The following PTAFR variants were observed in gnomAD, a reference collection of about 807,000 sequenced individuals.
PTAFR encodes platelet activating factor receptor, also known as platelet-activating factor receptor.
In PTAFR, 8 loss-of-function variants were observed where a neutral mutation model predicts 14.7. The ratio of observed to expected loss-of-function variants is 0.54; its 90% CI spans 0.32 to 0.98. The LOEUF is 0.98. Among genes scored for constraint, PTAFR ranks in the 50% least tolerant of loss-of-function variants. PTAFR has a pLI of 0.04. For missense variants in PTAFR, 337 were observed against 451.2 expected, an observed-to-expected ratio of 0.75 and a Z score of 2.29; for synonymous variants, 156 against 176.5, an observed-to-expected ratio of 0.88 and a Z score of 0.92.
chr1:28,173,239 G>T (rs1223456306), intron 1 of PTAFR, among the ~76,000 whole-genome samples: 1 of 138,900 alleles, frequency 7.2e-6, no homozygotes, highest in East Asian at 2.2e-4. Flanking sequence ...AGTGAGTCAC[G>T]ATCATGCCAC....
At chr1:28,152,149 G>T (rs1646197678) in intron 1 of PTAFR, among the ~76,000 whole-genome samples, 1 of 152,040 alleles carries the variant, frequency 6.6e-6, no homozygotes, top group African/African-American at 2.4e-5. Flanking sequence ...TGCCAGCCTT[G>T]GCCTCCCAAA....
chr1:28,163,840 T>G (rs1557689886), intron 1 of PTAFR, among the ~76,000 whole-genome samples: 1 of 152,110 alleles, frequency 6.6e-6, no homozygotes. Flanking sequence ...CAACAAAGCT[T>G]TCAACAGCTC....
intron 1 of PTAFR, among the ~76,000 whole-genome samples, chr1:28,187,369 G>GA (rs1175101232): frequency 1.3e-5 from 2 of 151,868 alleles, no homozygotes; most frequent in Non-Finnish European, 2.9e-5. Flanking sequence ...ATCCATTAAG[G>GA]AAAAAAATAA....
intron 1 of PTAFR, among the ~76,000 whole-genome samples, chr1:28,184,866 A>G (rs1572050406): frequency 6.6e-6 from 1 of 151,828 alleles, no homozygotes; most frequent in Non-Finnish European, 1.5e-5. Flanking sequence ...TCTCGAACTC[A>G]TGACCTCAAG....
intron 1 of PTAFR, among the ~76,000 whole-genome samples, chr1:28,165,013 T>C (rs1186383103): frequency 1.3e-5 from 2 of 152,218 alleles, no homozygotes; most frequent in Non-Finnish European, 2.9e-5. Context: ...GTTTCCTCAT[T>C]TGTAAATGAA....
At chr1:28,165,093 AT>A (rs1296578474) in intron 1 of PTAFR, among the ~76,000 whole-genome samples, 2 of 152,196 alleles carry the variant, frequency 1.3e-5, no homozygotes, top group East Asian at 1.9e-4. Context: ...TTCAAAAAAA[AT>A]AACATACTTA....
intron 1 of PTAFR, among the ~76,000 whole-genome samples, chr1:28,182,776 T>A (rs2149006739): frequency 6.6e-6 from 1 of 152,252 alleles, no homozygotes; most frequent in Admixed American, 6.5e-5. Flanking sequence ...CGCCTCCCGC[T>A]TTCAAGTGAG....
intron 1 of PTAFR, among the ~76,000 whole-genome samples, chr1:28,190,534 C>A (rs1646643574): frequency 6.6e-6 from 1 of 152,086 alleles, no homozygotes; most frequent in Admixed American, 6.6e-5. Flanking sequence ...CAAAGAGAAT[C>A]TGGAGAATGA....
chr1:28,192,803 T>A (rs1291729824), intron 1 of PTAFR, among the ~76,000 whole-genome samples: 1 of 151,914 alleles, frequency 6.6e-6, no homozygotes, highest in East Asian at 2.0e-4. Flanking sequence ...CCCGCCACCA[T>A]GCCGGGCTAA....
rs200632053 is a variant in PTAFR at position 28,184,640 on chromosome 1, GT to G, written c.-39+9081del. On this transcript the variant is annotated intron_variant, in intron 1 of 1. Transcript: ENST00000305392. ...ACCTCACCCTTTTGTTTTTCCTTTT[GT>G]TTTTTTGTTTGTTTTTGAGACAGAG... 3.9e-4 allele frequency among the ~76,000 whole-genome samples: 59 copies of G among 150,304 alleles called. 1 individual carries two copies. The highest frequency in any genetic ancestry group is 8.4e-4 in the South Asian group (4 of 4,748).
intron 1 of PTAFR, among the ~76,000 whole-genome samples, chr1:28,185,119 C>T (rs1646595756): frequency 1.3e-5 from 2 of 152,202 alleles, no homozygotes; most frequent in South Asian, 4.1e-4. Context: ...TTCTCCACAG[C>T]ACATATCACA....
intron 1 of PTAFR, among the ~76,000 whole-genome samples, chr1:28,167,194 A>C (rs1413891957): frequency 6.6e-6 from 1 of 152,194 alleles, no homozygotes; most frequent in East Asian, 1.9e-4. Flanking sequence ...GAGAAAAGGC[A>C]ACCTTTCGGA....
At chr1:28,158,314 A>G (rs1646288806) in intron 1 of PTAFR, among the ~76,000 whole-genome samples, 1 of 152,224 alleles carries the variant, frequency 6.6e-6, no homozygotes, top group Non-Finnish European at 1.5e-5. Flanking sequence ...GAGGCCTGGA[A>G]GAATAGGCAA....
chr1:28,180,604 A>G (rs949061769), upstream of PTAFR, among the ~76,000 whole-genome samples: 2 of 152,170 alleles, frequency 1.3e-5, no homozygotes, highest in Admixed American at 6.6e-5. Flanking sequence ...TACTCTGGGC[A>G]TGCATCACCA....
At chr1:28,161,946 G>T (rs757796097) in intron 1 of PTAFR, among the ~76,000 whole-genome samples, 20 of 152,112 alleles carry the variant, frequency 1.3e-4, no homozygotes, top group Non-Finnish European at 2.8e-4. Flanking sequence ...ATGTGCAAAG[G>T]GCCTGTAATG....
chr1:28,176,338 G>A (rs1204550638), intron 1 of PTAFR, among the ~76,000 whole-genome samples: 1 of 151,164 alleles, frequency 6.6e-6, no homozygotes, highest in East Asian at 1.9e-4. Context: ...AGATACTCGG[G>A]AGGCTGAAGT....
At chr1:28,171,367 A>C (rs1177676577) in intron 1 of PTAFR, among the ~76,000 whole-genome samples, 1 of 151,482 alleles carries the variant, frequency 6.6e-6, no homozygotes, top group Non-Finnish European at 1.5e-5. Context: ...CCTGATGTTG[A>C]AGACAGACAA....
intron 1 of PTAFR, among the ~76,000 whole-genome samples, chr1:28,165,667 C>T (rs1646377670): frequency 6.6e-6 from 1 of 151,842 alleles, no homozygotes; most frequent in Admixed American, 6.6e-5. Flanking sequence ...CCTGTAGTCC[C>T]AGCTACTCGG....
At chr1:28,182,416 C>T (rs1161687067) in intron 1 of PTAFR, among the ~76,000 whole-genome samples, 1 of 151,448 alleles carries the variant, frequency 6.6e-6, no homozygotes, top group Non-Finnish European at 1.5e-5. Flanking sequence ...TGGCTTATAC[C>T]TATAATCCCA....
Sources: gnomAD v4.1 joint callset for allele counts (sites outside exome capture counted in the v4.1 genomes callset) on GRCh38, gnomAD v4.1.1 for gene constraint, MANE v1.5 for transcripts, NCBI Gene and HGNC (gene_info 2026-07-23, HGNC 2026-07-21) for gene names.